CCNY: variants seen among roughly 807,000 people sequenced by gnomAD.
The protein encoded by CCNY is cyclin-Y.
A neutral mutation model predicts 42.8 loss-of-function variants in CCNY; 19 were observed. The ratio of observed to expected loss-of-function variants is 0.44; its 90% CI spans 0.31 to 0.65. The LOEUF is 0.65. Ranked by LOEUF, CCNY falls within the 30% of genes least tolerant of loss-of-function variation. The pLI, the probability that CCNY is intolerant of heterozygous loss-of-function variation, is 0.07. For missense variants in CCNY, 370 were observed against 437.3 expected (o/e 0.85, Z 1.37); for synonymous variants, 165 against 162.7 (o/e 1.01, Z -0.11).
At chr10:35,521,559 A>G (rs899353449) in intron 4 of CCNY, among the ~76,000 whole-genome samples, 5 of 152,192 alleles carry the variant, frequency 3.3e-5, no homozygotes, top group Non-Finnish European at 7.4e-5. Flanking sequence ...AAAAATTAGC[A>G]GTGTCACAGC....
chr10:35,553,782 C>T (rs1841308461), intron 8 of CCNY, among the ~76,000 whole-genome samples: 1 of 152,006 alleles, frequency 6.6e-6, no homozygotes, highest in South Asian at 2.1e-4. Flanking sequence ...TGTCCACTCC[C>T]CTCACTCTCT....
chr10:35,528,821 AT>A (rs1466976188), intron 5 of CCNY, among the ~76,000 whole-genome samples: 1 of 152,150 alleles, frequency 6.6e-6, no homozygotes, highest in Admixed American at 6.5e-5. Flanking sequence ...CAGATGGTAA[AT>A]TTCTAAAGCA....
upstream of CCNY, among the ~76,000 whole-genome samples, chr10:35,333,436 G>C (rs766921548): frequency 6.6e-6 from 1 of 152,174 alleles, no homozygotes; most frequent in African/African-American, 2.4e-5. Context: ...TGAAAGATTA[G>C]TACTAGTCCT....
rs1554794902 is a variant in CCNY at position 35,494,242 on chromosome 10, C to CCG, written c.230-7258_230-7257insGC. On this transcript the variant is annotated intron_variant, in intron 2 of 9. Coordinates refer to ENST00000374704, the MANE Select transcript of CCNY (RefSeq NM_145012.6). ...CTGGACAGCATAGTGAGACCCCCCCCCCCATTTCTACAAAAAAATAAAGAT... is the reference window on the plus strand; with the variant it reads ...CTGGACAGCATAGTGAGACCCCCCCCCGCCCATTTCTACAAAAAAATAAAGAT... Among the ~76,000 whole-genome samples the CCG allele has an allele frequency of 4.2e-3, 587 of 140,834 alleles. 17 individuals are homozygous for CCG. The highest frequency in any genetic ancestry group is 0.016 in the African/African-American group (559 of 34,398). 92.4% of individuals were successfully genotyped at this position (140,834 alleles called of 152,430 possible). A position where few individuals can be genotyped will look rare whatever the true frequency, so the allele number is the denominator to read the frequency against.
At chr10:35,484,055 T>A (rs984806313) in intron 2 of CCNY, among the ~76,000 whole-genome samples, 7 of 152,220 alleles carry the variant, frequency 4.6e-5, no homozygotes, top group African/African-American at 1.7e-4. Flanking sequence ...TTTCTCTCTT[T>A]TCAGCCCCCT....
rs141457548 is a variant in CCNY, at chr10:35,418,872, G to A, written c.155-64532G>A. ...TTAATCTCTCTGTCACCAGGCTGGAGTGCAGTGGCGCTATCTCTGCTCACT... is the reference window on the plus strand; with the variant it reads ...TTAATCTCTCTGTCACCAGGCTGGAATGCAGTGGCGCTATCTCTGCTCACT... On this transcript the variant is annotated intron_variant, in intron 1 of 9. Coordinates refer to ENST00000374704, the MANE Select transcript of CCNY (RefSeq NM_145012.6). Among the ~76,000 whole-genome samples, 499 of 152,024 alleles carry A rather than the reference G, an allele frequency of 3.3e-3. 4 individuals carry two copies. Among genetic ancestry groups the A allele is most frequent in the African/African-American group, 0.011 (473 of 41,450 alleles).
At chr10:35,413,126 T>C (rs574876722) in intron 1 of CCNY, among the ~76,000 whole-genome samples, 1 of 152,180 alleles carries the variant, frequency 6.6e-6, no homozygotes, top group East Asian at 1.9e-4. Flanking sequence ...GTAATTTTAA[T>C]GCCATTTTCA....
At chr10:35,389,228 C>G (rs1235839378) in intron 1 of CCNY, among the ~76,000 whole-genome samples, 1 of 151,984 alleles carries the variant, frequency 6.6e-6, no homozygotes, top group Non-Finnish European at 1.5e-5. Flanking sequence ...TATTTTATTG[C>G]TGCTACTACT....
chr10:35,252,909 C>T (rs181127367), intron 3 of CCNY, among the ~76,000 whole-genome samples: 2 of 151,988 alleles, frequency 1.3e-5, no homozygotes, highest in African/African-American at 2.4e-5. Context: ...TTGTAGTGGT[C>T]GCAGAAAGTC....
intron 1 of CCNY, among the ~76,000 whole-genome samples, chr10:35,470,512 C>T (rs1178573177): frequency 3.3e-5 from 5 of 152,154 alleles, no homozygotes; most frequent in South Asian, 2.1e-4. Context: ...AAGACATACA[C>T]GGAGATCACC....
At chr10:35,253,414 A>AATTTTTTTTTTT (rs775450185) in intron 3 of CCNY, among the ~76,000 whole-genome samples, 2 of 89,036 alleles carry the variant, frequency 2.2e-5, no homozygotes. Context: ...CATGCTCACT[A>AATTTTTTTTTTT]TTTTTTTTTT....
At chr10:35,513,578 A>T (rs1041733654) in intron 3 of CCNY, among the ~76,000 whole-genome samples, 1 of 152,204 alleles carries the variant, frequency 6.6e-6, no homozygotes, top group African/African-American at 2.4e-5. Context: ...TGCTTTACAA[A>T]TACTAATTCA....
At chr10:35,441,232 C>A (rs1838660905) in intron 1 of CCNY, among the ~76,000 whole-genome samples, 1 of 152,168 alleles carries the variant, frequency 6.6e-6, no homozygotes, top group Non-Finnish European at 1.5e-5. Context: ...AAGCCAAGAA[C>A]AAGTTGGCCT....
rs776947431 is a variant in CCNY, at chr10:35,530,182, G to A, written c.518G>A (p.Arg173Gln). The change falls in exon 7 of 10, where the codon CGG becomes CAG. Residue 173 changes from arginine to glutamine, a missense_variant. This residue lies in a region of CCNY where 234 missense variants were observed against 313.1 expected (regional missense o/e 0.75). Transcript: ENST00000374704. The surrounding 1 kb of genome is among the most constrained non-coding windows in gnomAD (Gnocchi z 4.3). ...AACCCAGAGCAGAAGCAGATTTACCGGTTCGTTCGGACACTGTTCAGTGCT... is the reference window on the plus strand; with the variant it reads ...AACCCAGAGCAGAAGCAGATTTACCAGTTCGTTCGGACACTGTTCAGTGCT... ...KHNPEQKQIYRFVRTLFSAAQ... is the reference protein window; with the variant it reads ...KHNPEQKQIYQFVRTLFSAAQ... 7 of 1,614,068 alleles carry A rather than the reference G, an allele frequency of 4.3e-6. No individual in the cohort carries two copies. Among genetic ancestry groups the A allele is most frequent in the South Asian group, 3.3e-5 (3 of 91,092 alleles).
chr10:35,360,627 T>G (rs1042750697), intron 1 of CCNY, among the ~76,000 whole-genome samples: 1 of 152,094 alleles, frequency 6.6e-6, no homozygotes, highest in Non-Finnish European at 1.5e-5. Context: ...CCCTCCTTGA[T>G]TTTAGAAAAT....
At chr10:35,332,994 T>A (rs976935978), upstream of CCNY, among the ~76,000 whole-genome samples, 8 of 152,164 alleles carry the variant, frequency 5.3e-5, no homozygotes, top group African/African-American at 1.7e-4. Flanking sequence ...CCCAAATGAT[T>A]CTTTCTGCTC....
Position 35,569,072 on chromosome 10 carries a change from G to C in CCNY, c.928G>C (p.Glu310Gln), listed in dbSNP as rs373943125. Residue 310 changes from glutamate to glutamine, a missense_variant, in exon 10 of 10, where the codon GAG (glutamate) becomes CAG (glutamine). Around this residue, in one of 2 missense-constraint regions of CCNY, gnomAD observed 234 missense variants for 313.1 expected, o/e 0.75. Transcript: ENST00000374704. ...CCCTCAGGCCATCTCTCGCCTCTGC[G>C]AGGACAAGTACAAGGACCTAAGAAG... ...HKLEAISRLC[E>Q]DKYKDLRRSA... 3 of 1,612,688 alleles carry C rather than the reference G, an allele frequency of 1.9e-6. No individual in the cohort carries two copies. Among genetic ancestry groups the C allele is most frequent in the Non-Finnish European group, 2.5e-6 (3 of 1,179,366 alleles).
chr10:35,304,376 C>T (rs1835581003), intron 3 of CCNY, among the ~76,000 whole-genome samples: 1 of 51,288 alleles, frequency 1.9e-5, no homozygotes, highest in Non-Finnish European at 3.4e-5. Flanking sequence ...GTGGCGGGAT[C>T]TCGGCTCACT....
intron 8 of CCNY, among the ~76,000 whole-genome samples, chr10:35,561,456 T>C (rs779401255): frequency 6.6e-6 from 1 of 152,246 alleles, no homozygotes; most frequent in Non-Finnish European, 1.5e-5. Context: ...CGCGTTGTTT[T>C]AAACTTTTTG....
Sources: gnomAD v4.1 joint callset for allele counts (sites outside exome capture counted in the v4.1 genomes callset) on GRCh38, gnomAD v4.1.1 for gene constraint, gnomAD v4.1.1 regional missense constraint, Gnocchi (gnomAD v3.1) non-coding constraint, MANE v1.5 for transcripts, NCBI Gene and HGNC (gene_info 2026-07-23, HGNC 2026-07-21) for gene names.